Variants in ZNF385B observed in about 807,000 individuals in gnomAD.
The protein encoded by ZNF385B is zinc finger protein 385B.
A neutral mutation model predicts 39.2 loss-of-function variants in ZNF385B; 23 were observed. The observed-to-expected ratio is 0.59, with a 90% CI of 0.42 to 0.83. The LOEUF (loss-of-function observed/expected upper bound fraction) is 0.83. Among genes scored for constraint, ZNF385B ranks in the 40% least tolerant of loss-of-function variants. ZNF385B has a pLI of 0.00. For missense variants in ZNF385B, 552 were observed against 598.9 expected (o/e 0.92, Z 0.82); for synonymous variants, 205 against 222.6 (o/e 0.92, Z 0.70).
chr2:179,788,144 T>C (rs1280745163), intron 1 of ZNF385B, among the ~76,000 whole-genome samples: 2 of 152,176 alleles, frequency 1.3e-5, no homozygotes, highest in Admixed American at 1.3e-4. Context: ...TCTGTTACAA[T>C]ATTTTAAAAC....
At chr2:179,702,496 A>T (rs1043572261) in intron 3 of ZNF385B, among the ~76,000 whole-genome samples, 1 of 152,242 alleles carries the variant, frequency 6.6e-6, no homozygotes, top group Non-Finnish European at 1.5e-5. Flanking sequence ...TCCACGTGCT[A>T]AACAAGTGCA....
At chr2:179,814,521 A>G in intron 1 of ZNF385B, 2 of 733,724 alleles carry the variant, frequency 2.7e-6, no homozygotes, top group Middle Eastern at 5.7e-4. Flanking sequence ...CAAGCACATC[A>G]TGGTTGTCTT....
chr2:179,723,616 A>C (rs957354232), intron 3 of ZNF385B, among the ~76,000 whole-genome samples: 3 of 152,186 alleles, frequency 2.0e-5, no homozygotes, highest in South Asian at 4.1e-4. Flanking sequence ...TAAAACACGC[A>C]TATTTAGTGG....
chr2:179,726,121 A>C lies in ZNF385B; in HGVS notation c.298+43382T>G, dbSNP rs1012669128. 2.0e-5 allele frequency among the ~76,000 whole-genome samples: 3 copies of C among 152,020 alleles called. No homozygotes were observed. The South Asian group carries it at 6.2e-4, about 32-fold the overall frequency. ...CATTTCAAACTTTCTCTCCACAACA[A>C]CCTTCTCAACTTCCTTTACAACAAG... On this transcript the variant is annotated intron_variant, in intron 3 of 9. Transcript: ENST00000410066.
intron 4 of ZNF385B, among the ~76,000 whole-genome samples, chr2:179,540,493 C>CA (rs199749445): frequency 0.078 from 11,833 of 151,400 alleles, 501 homozygotes; most frequent in Middle Eastern, 0.19. Flanking sequence ...ACAACAACAA[C>CA]AACAAAAAAA....
intron 3 of ZNF385B, among the ~76,000 whole-genome samples, chr2:179,754,193 T>C (rs540117626): frequency 4.0e-4 from 61 of 152,344 alleles, no homozygotes; most frequent in East Asian, 2.1e-3. Context: ...GGGATAATCA[T>C]GTGGTTTTTG....
At chr2:179,672,056 T>G (rs1696083160) in intron 3 of ZNF385B, among the ~76,000 whole-genome samples, 1 of 152,204 alleles carries the variant, frequency 6.6e-6, no homozygotes, top group Non-Finnish European at 1.5e-5. Flanking sequence ...TACAAAGCAG[T>G]GTGGACAGGG....
intron 1 of ZNF385B, among the ~76,000 whole-genome samples, chr2:179,847,599 TC>T (rs1208756465): frequency 6.6e-6 from 1 of 152,216 alleles, no homozygotes; most frequent in Non-Finnish European, 1.5e-5. Flanking sequence ...CCTTCTCTTT[TC>T]CTAAGTTCCT....
intron 3 of ZNF385B, among the ~76,000 whole-genome samples, chr2:179,624,273 C>T (rs374189051): frequency 1.3e-5 from 2 of 152,162 alleles, no homozygotes; most frequent in Middle Eastern, 3.2e-3. Context: ...TACAGTGATT[C>T]TTCCCAGAAG....
chr2:179,540,232 A>G (rs2059829331), intron 4 of ZNF385B, among the ~76,000 whole-genome samples: 1 of 152,110 alleles, frequency 6.6e-6, no homozygotes, highest in South Asian at 2.1e-4. Flanking sequence ...GGATCACCTG[A>G]GGTTGGGAGT....
intron 1 of ZNF385B, among the ~76,000 whole-genome samples, chr2:179,806,109 AC>A (rs1706332804): frequency 6.6e-6 from 1 of 152,210 alleles, no homozygotes; most frequent in Non-Finnish European, 1.5e-5. Context: ...CAACAAACAG[AC>A]AAAAAAATGC....
chr2:179,706,700 C>T (rs1699627697), intron 3 of ZNF385B, among the ~76,000 whole-genome samples: 1 of 152,188 alleles, frequency 6.6e-6, no homozygotes, highest in Admixed American at 6.5e-5. Flanking sequence ...GGTCAGATGC[C>T]TGAGTAGTGG....
chr2:179,494,560 T>G (rs2055951114), intron 5 of ZNF385B, among the ~76,000 whole-genome samples: 1 of 152,214 alleles, frequency 6.6e-6, no homozygotes, highest in Admixed American at 6.5e-5. Flanking sequence ...TTTGATGGAA[T>G]TTTATGTTCA....
In ZNF385B at chr2:179,541,427, A is replaced by T. The variant is rs141763173; in HGVS notation, c.441+3400T>A. ...ATCATACTTCACTATAAGAAAGAGG[A>T]AAACATTATGTTTTTAAAAATCTAC... is the stretch of plus-strand genomic sequence containing the variant. On this transcript the variant is annotated intron_variant, in intron 4 of 9. Transcript: ENST00000410066. Among the ~76,000 whole-genome samples, 1,137 of 152,282 alleles carry T rather than the reference A, an allele frequency of 7.5e-3. 8 individuals are homozygous for T. The highest frequency in any genetic ancestry group is 0.012 in the Non-Finnish European group (816 of 68,020).
intron 1 of ZNF385B, among the ~76,000 whole-genome samples, chr2:179,850,734 T>C (rs563683286): frequency 4.6e-5 from 7 of 152,182 alleles, no homozygotes; most frequent in Non-Finnish European, 1.5e-5. Flanking sequence ...TCAACAAGTG[T>C]TGAAATCACG....
intron 3 of ZNF385B, among the ~76,000 whole-genome samples, chr2:179,599,621 T>A (rs1298156083): frequency 6.6e-6 from 1 of 152,222 alleles, no homozygotes; most frequent in Non-Finnish European, 1.5e-5. Flanking sequence ...GTCGATACAG[T>A]GTTTTTCCTT....
intron 5 of ZNF385B, among the ~76,000 whole-genome samples, chr2:179,518,294 T>C (rs1444463748): frequency 6.6e-6 from 1 of 152,208 alleles, no homozygotes; most frequent in Non-Finnish European, 1.5e-5. Flanking sequence ...TTCGATGTGA[T>C]CTAGGTTGAA....
intron 5 of ZNF385B, among the ~76,000 whole-genome samples, chr2:179,496,929 ATCCC>A (rs1559344957): frequency 5.3e-5 from 8 of 152,176 alleles, no homozygotes; most frequent in African/African-American, 1.9e-4. Context: ...CAAATCTGTA[ATCCC>A]AGCTACTTGA....
At chr2:179,734,844 C>A (rs1438760932) in intron 3 of ZNF385B, among the ~76,000 whole-genome samples, 1 of 152,144 alleles carries the variant, frequency 6.6e-6, no homozygotes, top group African/African-American at 2.4e-5. Context: ...AAAGCTGAAA[C>A]TGGATCCCTT....
Sources: gnomAD v4.1 joint callset for allele counts (sites outside exome capture counted in the v4.1 genomes callset) on GRCh38, gnomAD v4.1.1 for gene constraint, MANE v1.5 for transcripts, NCBI Gene and HGNC (gene_info 2026-07-23, HGNC 2026-07-21) for gene names.